SFSWAP: variants seen among roughly 807,000 people sequenced by gnomAD.
SFSWAP encodes splicing factor SWAP.
Under a neutral mutation model 100.7 loss-of-function variants are expected in SFSWAP, and 17 were observed. The ratio of observed to expected loss-of-function variants is 0.17; its 90% CI spans 0.12 to 0.25. The LOEUF is 0.25. SFSWAP is among the 10% of genes least tolerant of loss of function. The probability of loss-of-function intolerance (pLI) is 1.00; values close to 1 mark genes in which losing one functional copy is unlikely to be tolerated. For missense variants in SFSWAP, 1,005 were observed against 1,262.6 expected (o/e 0.80, Z 3.09); for synonymous variants, 504 against 510.1 (o/e 0.99, Z 0.16).
intron 11 of SFSWAP, among the ~76,000 whole-genome samples, chr12:131,762,288 G>C (rs1325785488): frequency 3.3e-5 from 5 of 152,064 alleles, no homozygotes; most frequent in Admixed American, 3.3e-4. Context: ...GCTCATGCTT[G>C]TCATCCCAGC....
intron 7 of SFSWAP, among the ~76,000 whole-genome samples, chr12:131,741,425 C>G (rs563450301): frequency 6.6e-6 from 1 of 152,120 alleles, no homozygotes; most frequent in South Asian, 2.1e-4. Flanking sequence ...CTCTTGAGCT[C>G]AGGAGGTCAA....
rs777267176 is a variant in SFSWAP, at chr12:131,790,187, C to G, written c.2534+3599C>G. The stretch of plus-strand genomic sequence containing the variant: ...GATTTTTTATTTGTTGTGTGATAAT[C>G]CATTGCTATTATTATTCTATTAGAT... On this transcript the variant is annotated intron_variant, in intron 15 of 17. Transcript: ENST00000261674. 3.9e-5 allele frequency among the ~76,000 whole-genome samples: 6 copies of G among 152,278 alleles called. 1 individual carries two copies. The South Asian group carries it at 1.0e-3, about 26-fold the overall frequency.
chr12:131,772,441 C>G (rs1229845398), intron 13 of SFSWAP, among the ~76,000 whole-genome samples: 1 of 152,218 alleles, frequency 6.6e-6, no homozygotes, highest in Non-Finnish European at 1.5e-5. Context: ...ATGCAAAAAT[C>G]ATGCATATAA....
Position 131,711,126 on chromosome 12 carries a change from G to A in SFSWAP, c.-104G>A, listed in dbSNP as rs1272756802. 2 of 915,490 alleles carry A rather than the reference G, an allele frequency of 2.2e-6. No individual in the cohort carries two copies. The highest frequency in any genetic ancestry group is 1.6e-6 in the Non-Finnish European group (1 of 623,676). 56.7% of individuals were successfully genotyped at this position (915,490 alleles called of 1,614,324 possible). A position where few individuals can be genotyped will look rare whatever the true frequency, so the allele number is the denominator to read the frequency against. ...CGCTATGGCGGCGGTGTTGAGGTTGGGTACGGGATGCGGGGTCTTTGACTG... is the reference window on the plus strand; with the variant it reads ...CGCTATGGCGGCGGTGTTGAGGTTGAGTACGGGATGCGGGGTCTTTGACTG... On this transcript the variant is annotated 5_prime_UTR_variant, in exon 1 of 18. Coordinates refer to ENST00000261674, the MANE Select transcript of SFSWAP (RefSeq NM_004592.4). This position sits in a 1 kb window ranked among gnomAD's most constrained non-coding sequence, Gnocchi z 4.9.
intron 14 of SFSWAP, among the ~76,000 whole-genome samples, chr12:131,779,756 T>C (rs1018154082): frequency 6.6e-6 from 1 of 152,232 alleles, no homozygotes; most frequent in Non-Finnish European, 1.5e-5. Flanking sequence ...AAAAACAATA[T>C]GCTTGCTTTC....
At chr12:131,784,912 T>A in intron 14 of SFSWAP, 2 of 488,206 alleles carry the variant, frequency 4.1e-6, no homozygotes, top group Non-Finnish European at 3.4e-6. Flanking sequence ...CCTTAAAAAC[T>A]AACTTATTTT....
chr12:131,731,942 C>T lies in SFSWAP; in HGVS notation c.1081+3514C>T, dbSNP rs968737204. On this transcript the variant is annotated intron_variant, in intron 7 of 17. Transcript: ENST00000261674. ...TTTTTTTTTTTGAGACGGAGTCTCT[C>T]TGTGTTACCCAGGCTGGAGTGCAGT... Among the ~76,000 whole-genome samples, 5 of 108,216 alleles carry T rather than the reference C, an allele frequency of 4.6e-5. No individual in the cohort carries two copies. The South Asian group carries it at 9.9e-4, about 21-fold the overall frequency. The allele number at this position is 108,216 out of a possible 152,430, so 71.0% of individuals were successfully genotyped here. A position where few individuals can be genotyped will look rare whatever the true frequency, so the allele number is the denominator to read the frequency against.
intron 15 of SFSWAP, among the ~76,000 whole-genome samples, chr12:131,791,912 A>G (rs150283201): frequency 1.8e-3 from 273 of 152,350 alleles, no homozygotes; most frequent in Admixed American, 6.9e-3. Flanking sequence ...ACAGATCAGT[A>G]CTGTGTGCAC....
intron 7 of SFSWAP, among the ~76,000 whole-genome samples, chr12:131,744,264 A>G (rs533507537): frequency 6.6e-6 from 1 of 152,318 alleles, no homozygotes; most frequent in South Asian, 2.1e-4. Flanking sequence ...TCAGACTGCA[A>G]ATTTTCCAGA....
intron 13 of SFSWAP, among the ~76,000 whole-genome samples, chr12:131,777,279 C>T (rs952080966): frequency 1.3e-5 from 2 of 152,158 alleles, no homozygotes; most frequent in Non-Finnish European, 2.9e-5. Flanking sequence ...TCTCCTAATG[C>T]TATCCCTCCC....
chr12:131,776,686 G>T (rs1240936351), intron 13 of SFSWAP, among the ~76,000 whole-genome samples: 1 of 152,240 alleles, frequency 6.6e-6, no homozygotes, highest in Non-Finnish European at 1.5e-5. Flanking sequence ...TCTCCCCGGG[G>T]AGCAGCTGGG....
At chr12:131,758,353 A>G (rs1426888909) in intron 11 of SFSWAP, among the ~76,000 whole-genome samples, 3 of 150,294 alleles carry the variant, frequency 2.0e-5, no homozygotes, top group Non-Finnish European at 4.5e-5. Context: ...GTCTACATCC[A>G]CCCAAGCCTG....
chr12:131,728,198 T>C (rs1464094662), intron 6 of SFSWAP, 95 bp from the exon 7 acceptor site: 4 of 1,428,310 alleles, frequency 2.8e-6, no homozygotes, highest in South Asian at 2.5e-5. Context: ...TTCTAAGGCA[T>C]GTACACTGAG....
chr12:131,717,003 C>A (rs894432491), intron 3 of SFSWAP, among the ~76,000 whole-genome samples: 2 of 152,054 alleles, frequency 1.3e-5, no homozygotes, highest in Non-Finnish European at 2.9e-5. Flanking sequence ...AGAACATTGC[C>A]TTATATACTG....
chr12:131,759,005 T>G (rs1338871513), intron 11 of SFSWAP, among the ~76,000 whole-genome samples: 2 of 152,194 alleles, frequency 1.3e-5, no homozygotes, highest in Admixed American at 6.5e-5. Context: ...GAGGATCTTT[T>G]GAGCCCAGGA....
chr12:131,747,151 G>A (rs1881213151), intron 7 of SFSWAP, among the ~76,000 whole-genome samples: 1 of 149,050 alleles, frequency 6.7e-6, no homozygotes, highest in South Asian at 2.1e-4. Flanking sequence ...ATTCTCTCCT[G>A]TGTAACTTGT....
chr12:131,793,910 G>A (rs10902449), intron 15 of SFSWAP, among the ~76,000 whole-genome samples: 1 of 151,710 alleles, frequency 6.6e-6, no homozygotes, highest in Non-Finnish European at 1.5e-5. Flanking sequence ...GGACGGGCTC[G>A]GGGGAGAGTG....
chr12:131,738,907 T>TTTTTTTTTTTTTC (rs1880320895), intron 7 of SFSWAP, among the ~76,000 whole-genome samples: 1 of 125,394 alleles, frequency 8.0e-6, no homozygotes, highest in African/African-American at 3.1e-5. Flanking sequence ...TTTTTTTTTT[T>TTTTTTTTTTTTTC]TTGAGACAGG....
At chr12:131,797,084 T>C (rs947579668) in intron 15 of SFSWAP, 94 bp from the exon 16 acceptor site, 59 of 1,165,342 alleles carry the variant, frequency 5.1e-5, no homozygotes, top group Non-Finnish European at 6.4e-5. Context: ...CTTGATGAAC[T>C]CTTAGCCAAA....
Sources: allele counts gnomAD v4.1 joint callset (sites outside exome capture counted in the v4.1 genomes callset), GRCh38; gene constraint gnomAD v4.1.1; non-coding constraint Gnocchi (gnomAD v3.1); transcripts MANE v1.5; gene names NCBI Gene and HGNC (gene_info 2026-07-23, HGNC 2026-07-21).